ADAP1: variants seen among roughly 807,000 people sequenced by gnomAD.
ADAP1 encodes the protein arf-GAP with dual PH domain-containing protein 1.
A neutral mutation model predicts 54.9 loss-of-function variants in ADAP1; 31 were observed. That is an observed-to-expected ratio of 0.56 (90% CI 0.42 to 0.76). The LOEUF is 0.76. Among genes scored for constraint, ADAP1 ranks in the 30% least tolerant of loss-of-function variants. The pLI is 0.00. For synonymous variants in ADAP1, 313 were observed against 202.6 expected (o/e 1.55, Z -4.63); for missense variants, 535 against 512.4 (o/e 1.04, Z -0.42).
chr7:948,196 G>T, intron 1 of ADAP1, among the ~76,000 whole-genome samples: 1 of 150,822 alleles, frequency 6.6e-6, no homozygotes, highest in Non-Finnish European at 1.5e-5. Flanking sequence ...AGCCATGTCT[G>T]TCCCTCCCTC....
chr7:928,617 A>G (rs140549284), intron 2 of ADAP1, among the ~76,000 whole-genome samples: 511 of 152,276 alleles, frequency 3.4e-3, no homozygotes, highest in Non-Finnish European at 4.5e-3. Flanking sequence ...GGCACTCAAC[A>G]CTGTTAGCTG....
Position 926,843 on chromosome 7 carries a change from G to C in ADAP1, c.214-199C>G. On this transcript the variant is annotated intron_variant, in intron 2 of 10. Coordinates refer to ENST00000265846, the MANE Select transcript of ADAP1 (RefSeq NM_006869.4). The surrounding 1 kb of genome is among the most constrained non-coding windows in gnomAD (Gnocchi z 4.6). ...GTGATCGACCCTCCCCTGGGACAGGGAAGGAGCCAGCGTCCCTAACGACGG... is the reference window on the plus strand; with the variant it reads ...GTGATCGACCCTCCCCTGGGACAGGCAAGGAGCCAGCGTCCCTAACGACGG... 1 of 776,222 alleles carries C rather than the reference G, an allele frequency of 1.3e-6. No homozygotes were observed. The highest frequency in any genetic ancestry group is 3.1e-5 in the East Asian group (1 of 32,230). The allele number at this position is 776,222 out of a possible 1,614,324, so 48.1% of individuals were successfully genotyped here. A position where few individuals can be genotyped will look rare whatever the true frequency, so the allele number is the denominator to read the frequency against.
intron 4 of ADAP1, among the ~76,000 whole-genome samples, chr7:916,597 G>A (rs1014260889): frequency 2.0e-5 from 3 of 152,192 alleles, no homozygotes; most frequent in Admixed American, 2.0e-4. Context: ...GGGGTGTGCT[G>A]GGTGCTGAGC....
chr7:910,279 T>C (rs1845670893), intron 4 of ADAP1, among the ~76,000 whole-genome samples: 1 of 152,002 alleles, frequency 6.6e-6, no homozygotes, highest in African/African-American at 2.4e-5. Context: ...GCTTTTTTTT[T>C]TTTTTCCCCA....
At position 926,738 on chromosome 7, in the gene ADAP1, G is replaced by T; in HGVS notation, c.214-94C>A. The T allele has an allele frequency of 9.8e-7, 1 of 1,022,802 alleles. No individual in the cohort carries two copies. The highest frequency in any genetic ancestry group is 1.4e-6 in the Non-Finnish European group (1 of 722,784). 63.4% of individuals were successfully genotyped at this position (1,022,802 alleles called of 1,614,324 possible). On this transcript the variant is annotated intron_variant, in intron 2 of 10. Coordinates refer to ENST00000265846, the MANE Select transcript of ADAP1 (RefSeq NM_006869.4). This position sits in a 1 kb window ranked among gnomAD's most constrained non-coding sequence, Gnocchi z 4.6. ...CTTGGGGCCGTCACCACAGTGACCC[G>T]CAGACCCAAGGCTCTGAGGGCTCCA...
intron 4 of ADAP1, among the ~76,000 whole-genome samples, chr7:913,618 C>T (rs1845814061): frequency 6.6e-6 from 1 of 152,260 alleles, no homozygotes; most frequent in South Asian, 2.1e-4. Context: ...GCTCAAATTA[C>T]TCCCCCAGCT....
In ADAP1 at chr7:898,869, C is replaced by G; in HGVS notation, c.*52G>C. ...CCAGAGCCCCCCCATCCACGGGTCC[C>G]CTCCGTCCAGCCACAGTGAGTCCAA... On this transcript the variant is annotated 3_prime_UTR_variant, in exon 11 of 11. Coordinates refer to ENST00000265846, the MANE Select transcript of ADAP1 (RefSeq NM_006869.4). 1 of 1,564,404 alleles carries G rather than the reference C, an allele frequency of 6.4e-7. No individual in the cohort carries two copies. The highest frequency in any genetic ancestry group is 2.4e-5 in the East Asian group (1 of 41,596).
rs994452390 is a variant in ADAP1, at chr7:920,401, C to G, written c.306-351G>C. On this transcript the variant is annotated intron_variant, in intron 3 of 10. Transcript: ENST00000265846. The surrounding 1 kb of genome is among the most constrained non-coding windows in gnomAD (Gnocchi z 4.5). ...GCTGGGGTACAGGGGTTGAGCCAGG[C>G]CCCCCCACCCCGAGTCACACGCCCC... 5.9e-5 allele frequency among the ~76,000 whole-genome samples: 9 copies of G among 151,820 alleles called. No homozygotes were observed. The highest frequency in any genetic ancestry group is 2.2e-4 in the African/African-American group (9 of 41,386).
chr7:949,785 C>A (rs1239688116), intron 1 of ADAP1, among the ~76,000 whole-genome samples: 1 of 150,172 alleles, frequency 6.7e-6, no homozygotes, highest in Non-Finnish European at 1.5e-5. Context: ...CCCACACCAG[C>A]CCTCCACACC....
intron 4 of ADAP1, among the ~76,000 whole-genome samples, chr7:916,722 G>A (rs1437113859): frequency 6.6e-6 from 1 of 152,144 alleles, no homozygotes; most frequent in Non-Finnish European, 1.5e-5. Context: ...TTGAATCAGC[G>A]CCTGCACAGG....
At chr7:914,765 C>T (rs2128102376) in intron 4 of ADAP1, among the ~76,000 whole-genome samples, 1 of 152,334 alleles carries the variant, frequency 6.6e-6, no homozygotes, top group Non-Finnish European at 1.5e-5. Context: ...GGAACCCCGC[C>T]CTGCACAGCA....
intron 4 of ADAP1, among the ~76,000 whole-genome samples, chr7:909,120 C>T (rs1023056458): frequency 1.4e-5 from 2 of 146,478 alleles, no homozygotes; most frequent in Non-Finnish European, 3.0e-5. Context: ...AGCGGGAACC[C>T]CGGTCCTCCC....
chr7:952,378 C>T (rs1847292785), intron 1 of ADAP1, among the ~76,000 whole-genome samples: 1 of 152,198 alleles, frequency 6.6e-6, no homozygotes, highest in Non-Finnish European at 1.5e-5. Context: ...TGAGCCAGTG[C>T]ACAGGACAGT....
intron 1 of ADAP1, among the ~76,000 whole-genome samples, chr7:951,391 C>A (rs746064258): frequency 6.7e-6 from 1 of 148,274 alleles, no homozygotes; most frequent in Admixed American, 6.7e-5. Context: ...AAAAAAATAT[C>A]CAACCTAGTT....
At position 920,109 on chromosome 7, in the gene ADAP1, C is replaced by T. The variant is rs1846130173; in HGVS notation, c.306-59G>A. The T allele has an allele frequency of 2.6e-6, 4 of 1,518,352 alleles. No homozygotes were observed. In the South Asian group the frequency reaches 3.4e-5, roughly 13 times the overall value. The allele number at this position is 1,518,352 out of a possible 1,614,324, so 94.1% of individuals were successfully genotyped here. On this transcript the variant is annotated intron_variant, in intron 3 of 10. Transcript: ENST00000265846. The surrounding 1 kb of genome is among the most constrained non-coding windows in gnomAD (Gnocchi z 4.5). ...AAGGCGGCCTCCGACCCAGCACACG[C>T]CGCTCTCTGGCCCGGACCCTGGACA...
chr7:948,398 C>A (rs533956160), intron 1 of ADAP1, among the ~76,000 whole-genome samples: 1 of 152,264 alleles, frequency 6.6e-6, no homozygotes, highest in East Asian at 1.9e-4. Flanking sequence ...GGCTTCCCTC[C>A]CCGCCGGCCC....
At chr7:935,311 C>A in intron 2 of ADAP1, 64 bp downstream of exon 2, 1 of 1,526,620 alleles carries the variant, frequency 6.6e-7, no homozygotes, top group Non-Finnish European at 8.8e-7. Context: ...ATCTCTGGCT[C>A]CAGAGGCCCG....
chr7:905,218 A>C (rs996112268), intron 4 of ADAP1, 46 bp from the exon 5 acceptor site: 1 of 1,447,592 alleles, frequency 6.9e-7, no homozygotes, highest in Non-Finnish European at 9.5e-7. Context: ...GATGGGGGGG[A>C]GGAAACAAAA....
chr7:939,805 T>A (rs1269561637), intron 1 of ADAP1, among the ~76,000 whole-genome samples: 1 of 148,790 alleles, frequency 6.7e-6, no homozygotes. Context: ...CACTCCAGCC[T>A]GGGCAACAGA....
Sources: gnomAD v4.1 joint callset for allele counts (sites outside exome capture counted in the v4.1 genomes callset) on GRCh38, gnomAD v4.1.1 for gene constraint, Gnocchi (gnomAD v3.1) non-coding constraint, MANE v1.5 for transcripts, NCBI Gene and HGNC (gene_info 2026-07-23, HGNC 2026-07-21) for gene names.